LEMD1: variants seen among roughly 807,000 people sequenced by gnomAD.
LEMD1 encodes the protein LEM domain-containing protein 1.
Under a neutral mutation model 17.4 loss-of-function variants are expected in LEMD1, and 18 were observed. The ratio of observed to expected loss-of-function variants is 1.04; its 90% CI spans 0.72 to 1.54. LEMD1 has a LOEUF of 1.54. LEMD1 is among the 40% of genes most tolerant of loss of function. The pLI is 0.00. For missense variants in LEMD1, 195 were observed against 210.4 expected (o/e 0.93, Z 0.45); for synonymous variants, 88 against 77.8 (o/e 1.13, Z -0.69).
upstream of LEMD1, among the ~76,000 whole-genome samples, chr1:205,424,329 C>T (rs1575000968): frequency 6.6e-6 from 1 of 152,326 alleles, no homozygotes; most frequent in East Asian, 1.9e-4. Context: ...GCCGAATTTA[C>T]TGCTGACCGG....
At chr1:205,412,027 C>T (rs922506191) in intron 4 of LEMD1, among the ~76,000 whole-genome samples, 2 of 152,166 alleles carry the variant, frequency 1.3e-5, no homozygotes, top group East Asian at 1.9e-4. Context: ...ACCATTTGCC[C>T]CTATTTGCCC....
chr1:205,438,918 C>T (rs74490805), intron 1 of LEMD1, among the ~76,000 whole-genome samples: 1,794 of 152,282 alleles, frequency 0.012, 41 homozygotes, highest in African/African-American at 0.041. Flanking sequence ...AAGCTCTCCT[C>T]GGCCACCCGC....
chr1:205,412,489 C>T (rs1043358512), intron 4 of LEMD1, among the ~76,000 whole-genome samples: 1 of 152,132 alleles, frequency 6.6e-6, no homozygotes, highest in Non-Finnish European at 1.5e-5. Flanking sequence ...TAGAAAACAA[C>T]TAAAAATGAG....
intron 4 of LEMD1, among the ~76,000 whole-genome samples, chr1:205,394,942 G>A (rs555683776): frequency 2.0e-5 from 3 of 150,996 alleles, no homozygotes; most frequent in East Asian, 4.0e-4. Context: ...AGCCGAGATC[G>A]CCCTACTGCA....
intron 4 of LEMD1, among the ~76,000 whole-genome samples, chr1:205,412,496 T>G (rs536443964): frequency 6.6e-6 from 1 of 152,266 alleles, no homozygotes; most frequent in East Asian, 1.9e-4. Context: ...CAACTAAAAA[T>G]GAGAGGAAAA....
intron 2 of LEMD1, among the ~76,000 whole-genome samples, chr1:205,419,757 C>T (rs1398035778): frequency 7.2e-5 from 11 of 152,280 alleles, no homozygotes; most frequent in East Asian, 3.9e-4. Context: ...TGAGCCACTG[C>T]GCCCTGCCCA....
intron 4 of LEMD1, among the ~76,000 whole-genome samples, chr1:205,398,838 G>A (rs1664705877): frequency 6.6e-6 from 1 of 152,226 alleles, no homozygotes. Context: ...GTGTTGGTAT[G>A]TTCCGTGGTC....
At chr1:205,395,027 T>C (rs1010589898) in intron 4 of LEMD1, among the ~76,000 whole-genome samples, 25 of 152,006 alleles carry the variant, frequency 1.6e-4, no homozygotes, top group Admixed American at 3.3e-4. Flanking sequence ...GTAAATGTCA[T>C]CTCAGTTTTT....
In LEMD1 at chr1:205,427,725, G is replaced by A. The variant is rs140952653; in HGVS notation, c.-38-7151C>T. ...AGGGATCTGAAGACAGTCACAGAAA[G>A]ATAATAAAAGTGGAAGAAAAAGAAG... On this transcript the variant is annotated intron_variant, in intron 1 of 3. Coordinates refer to the LEMD1 transcript ENST00000367154. Among the ~76,000 whole-genome samples, 823 of 152,222 alleles carry A rather than the reference G, an allele frequency of 5.4e-3. 2 individuals are homozygous for A. The highest frequency in any genetic ancestry group is 0.019 in the African/African-American group (788 of 41,550).
chr1:205,442,311 C>A (rs1458433730), intron 1 of LEMD1, among the ~76,000 whole-genome samples: 1 of 152,174 alleles, frequency 6.6e-6, no homozygotes, highest in Non-Finnish European at 1.5e-5. Context: ...CCTTCTCCAG[C>A]CCCTCAAGCA....
chr1:205,384,058 C>T (rs1016460828), intron 5 of LEMD1, among the ~76,000 whole-genome samples: 10 of 151,830 alleles, frequency 6.6e-5, no homozygotes, highest in South Asian at 2.1e-4. Flanking sequence ...CAGTCCACTG[C>T]GACTTTTGCC....
At chr1:205,433,743 TAGTG>T (rs1666162984) in intron 1 of LEMD1, among the ~76,000 whole-genome samples, 1 of 152,140 alleles carries the variant, frequency 6.6e-6, no homozygotes. Context: ...AACAAACACT[TAGTG>T]AGCGCTTTGT....
intron 4 of LEMD1, among the ~76,000 whole-genome samples, chr1:205,391,676 A>G (rs1664343665): frequency 6.6e-6 from 1 of 152,156 alleles, no homozygotes; most frequent in South Asian, 2.1e-4. Flanking sequence ...GTAAGGAGGC[A>G]TCCCCCGCCT....
intron 1 of LEMD1, among the ~76,000 whole-genome samples, chr1:205,428,003 G>C (rs372869930): frequency 2.6e-5 from 4 of 152,196 alleles, no homozygotes; most frequent in Non-Finnish European, 5.9e-5. Flanking sequence ...AAGGCAATTG[G>C]GTGACTGGCA....
At chr1:205,425,634 C>G (rs188577612), upstream of LEMD1, among the ~76,000 whole-genome samples, 45 of 152,280 alleles carry the variant, frequency 3.0e-4, no homozygotes, top group African/African-American at 9.6e-4. Context: ...TCTCAAGGAG[C>G]AGCCGGTGTA....
intron 1 of LEMD1, among the ~76,000 whole-genome samples, chr1:205,421,652 T>C (rs971048306): frequency 6.6e-6 from 1 of 152,208 alleles, no homozygotes; most frequent in Non-Finnish European, 1.5e-5. Flanking sequence ...ACATAGTAGG[T>C]ACCTAGTAAA....
intron 1 of LEMD1, among the ~76,000 whole-genome samples, chr1:205,447,749 G>A (rs74877853): frequency 0.11 from 9,571 of 85,766 alleles, 403 homozygotes; most frequent in Non-Finnish European, 0.17. Context: ...CCAGCCTGTC[G>A]CCCGGGGGAG....
chr1:205,434,361 A>G (rs866386675), intron 1 of LEMD1, among the ~76,000 whole-genome samples: 1 of 131,454 alleles, frequency 7.6e-6, no homozygotes, highest in Admixed American at 7.3e-5. Context: ...ATATATATAT[A>G]TTATATATAT....
Position 205,434,574 on chromosome 1 carries a change from T to C in LEMD1, c.-38-14000A>G, listed in dbSNP as rs182944550. ...GTTCCCCACACCCACCCACTCCAGCTGGCTTTATCCCACCATTATTTCTGA... is the reference window on the plus strand; with the variant it reads ...GTTCCCCACACCCACCCACTCCAGCCGGCTTTATCCCACCATTATTTCTGA... On this transcript the variant is annotated intron_variant, in intron 1 of 3. Coordinates refer to the LEMD1 transcript ENST00000367154. Among the ~76,000 whole-genome samples, 492 of 152,198 alleles carry C rather than the reference T, an allele frequency of 3.2e-3. 1 individual carries two copies. The highest frequency in any genetic ancestry group is 5.8e-3 in the Non-Finnish European group (397 of 67,988).
Sources: allele counts gnomAD v4.1 joint callset (sites outside exome capture counted in the v4.1 genomes callset), GRCh38; gene constraint gnomAD v4.1.1; transcripts MANE v1.5; gene names NCBI Gene and HGNC (gene_info 2026-07-23, HGNC 2026-07-21).